PIK3C2G: variants seen among roughly 807,000 people sequenced by gnomAD.
PIK3C2G encodes the protein phosphatidylinositol-4-phosphate 3-kinase catalytic subunit type 2 gamma, also known as phosphatidylinositol 3-kinase C2 domain-containing subunit gamma.
A neutral mutation model predicts 181.1 loss-of-function variants in PIK3C2G; 168 were observed. That is an observed-to-expected ratio of 0.93 (90% CI 0.82 to 1.05). The LOEUF (loss-of-function observed/expected upper bound fraction) is 1.05. Among genes scored for constraint, PIK3C2G ranks in the 50% least tolerant of loss-of-function variants. The pLI, the probability that PIK3C2G is intolerant of heterozygous loss-of-function variation, is 0.00. For missense variants in PIK3C2G, 1,869 were observed against 1,732.8 expected (o/e 1.08, Z -1.40); for synonymous variants, 573 against 592.2 (o/e 0.97, Z 0.47).
At chr12:18,632,444 C>G (rs1949389525) in intron 31 of PIK3C2G, among the ~76,000 whole-genome samples, 1 of 152,026 alleles carries the variant, frequency 6.6e-6, no homozygotes, top group Admixed American at 6.6e-5. Context: ...ACCAGAAAAA[C>G]AGAACCAATA....
chr12:18,406,287 A>T (rs550019027), intron 16 of PIK3C2G, among the ~76,000 whole-genome samples: 1 of 152,288 alleles, frequency 6.6e-6, no homozygotes, highest in South Asian at 2.1e-4. Context: ...CCTTTAATGG[A>T]CACTAAGGTT....
chr12:18,563,718 A>T (rs1945466713), intron 28 of PIK3C2G, among the ~76,000 whole-genome samples: 1 of 152,160 alleles, frequency 6.6e-6, no homozygotes, highest in Non-Finnish European at 1.5e-5. Flanking sequence ...ACTTCCAGTC[A>T]TTGATTTTGT....
chr12:18,279,935 TTCC>T (rs1949140468), intron 1 of PIK3C2G, among the ~76,000 whole-genome samples: 2 of 152,054 alleles, frequency 1.3e-5, no homozygotes, highest in Non-Finnish European at 2.9e-5. Context: ...AATTCATTTA[TTCC>T]TTAGGTGATT....
intron 20 of PIK3C2G, 148 bp downstream of exon 20, chr12:18,491,706 T>C (rs562924423): frequency 1.8e-6 from 1 of 550,322 alleles, no homozygotes; most frequent in African/African-American, 1.9e-5. Flanking sequence ...TACATTGTGT[T>C]TTCCCTTTGA....
intron 31 of PIK3C2G, among the ~76,000 whole-genome samples, chr12:18,633,441 C>T (rs189111225): frequency 0.011 from 1,630 of 152,280 alleles, 12 homozygotes; most frequent in Non-Finnish European, 0.017. Context: ...CTACTTCCAT[C>T]CTTTATTCTA....
At chr12:18,496,270 A>T in intron 21 of PIK3C2G, 116 bp downstream of exon 21, 1 of 673,072 alleles carries the variant, frequency 1.5e-6, no homozygotes, top group Non-Finnish European at 2.5e-6. Context: ...TAGGTTTTTC[A>T]GTTATTTTAG....
At chr12:18,714,580 G>T in the PIK3C2G span, 1 of 152,124 alleles carries the variant, frequency 6.6e-6, no homozygotes, top group Non-Finnish European at 1.5e-5. Context: ...TACATAATAG[G>T]AAAGAGGTTA....
intron 1 of PIK3C2G, among the ~76,000 whole-genome samples, chr12:18,251,174 T>A (rs1259101647): frequency 6.6e-6 from 1 of 152,018 alleles, no homozygotes; most frequent in Non-Finnish European, 1.5e-5. Flanking sequence ...CAAAGACAGA[T>A]GGAGAACATC....
chr12:18,501,042 G>A (rs1299906160), intron 22 of PIK3C2G, among the ~76,000 whole-genome samples: 1 of 151,858 alleles, frequency 6.6e-6, no homozygotes, highest in Non-Finnish European at 1.5e-5. Flanking sequence ...CCAGAAGGAA[G>A]AAACTCCGAA....
intron 24 of PIK3C2G, among the ~76,000 whole-genome samples, chr12:18,511,892 G>A (rs1054036895): frequency 1.6e-4 from 24 of 151,942 alleles, no homozygotes; most frequent in African/African-American, 5.6e-4. Flanking sequence ...AAATTGCTGA[G>A]ACCAATGTCA....
chr12:18,455,709 G>A (rs926213565), intron 18 of PIK3C2G, among the ~76,000 whole-genome samples: 1 of 151,958 alleles, frequency 6.6e-6, no homozygotes, highest in Non-Finnish European at 1.5e-5. Context: ...TGGCCAAAGG[G>A]ATACAGAAGC....
chr12:18,470,971 T>C (rs1302195611), intron 18 of PIK3C2G, among the ~76,000 whole-genome samples: 2 of 152,192 alleles, frequency 1.3e-5, no homozygotes, highest in African/African-American at 4.8e-5. Context: ...AGATTAATTT[T>C]ATATATCCAA....
the PIK3C2G span, chr12:18,723,313 T>A: frequency 6.2e-7 from 1 of 1,609,126 alleles, no homozygotes. Flanking sequence ...AAACATACCT[T>A]CTTCGATAGG....
intron 24 of PIK3C2G, among the ~76,000 whole-genome samples, chr12:18,534,812 GAT>G (rs1943757035): frequency 7.5e-6 from 1 of 133,728 alleles, no homozygotes; most frequent in African/African-American, 3.0e-5. Context: ...GAAAGAGAGA[GAT>G]GAAAAAAAAA....
intron 24 of PIK3C2G, among the ~76,000 whole-genome samples, chr12:18,516,251 T>C (rs937215069): frequency 1.4e-5 from 2 of 142,502 alleles, no homozygotes; most frequent in Admixed American, 7.6e-5. Context: ...TACTGTATTA[T>C]TGACTGATGG....
intron 29 of PIK3C2G, among the ~76,000 whole-genome samples, chr12:18,585,596 G>C (rs886752759): frequency 6.6e-6 from 1 of 152,124 alleles, no homozygotes; most frequent in African/African-American, 2.4e-5. Flanking sequence ...CACAATAATA[G>C]TGTGAGACTT....
chr12:18,723,156 A>G, the PIK3C2G span, among the ~76,000 whole-genome samples: 1 of 152,090 alleles, frequency 6.6e-6, no homozygotes, highest in African/African-American at 2.4e-5. Flanking sequence ...TATCAATTCT[A>G]TAAAATATAT....
chr12:18,630,179 T>C (rs1041453639), intron 31 of PIK3C2G, among the ~76,000 whole-genome samples: 4 of 151,992 alleles, frequency 2.6e-5, no homozygotes, highest in African/African-American at 7.2e-5. Context: ...TTCCTTGAGG[T>C]CAGGAATTTG....
chr12:18,549,622 A>G (rs780382201), intron 26 of PIK3C2G, among the ~76,000 whole-genome samples: 2 of 152,080 alleles, frequency 1.3e-5, no homozygotes, highest in Non-Finnish European at 2.9e-5. Context: ...TTTGTAATTC[A>G]GACCACAGTC....
Sources: gnomAD v4.1 joint callset for allele counts (sites outside exome capture counted in the v4.1 genomes callset) on GRCh38, gnomAD v4.1.1 for gene constraint, MANE v1.5 for transcripts, NCBI Gene and HGNC (gene_info 2026-07-23, HGNC 2026-07-21) for gene names.